SPRED2: variants seen among roughly 807,000 people sequenced by gnomAD.
SPRED2 encodes the protein sprouty-related, EVH1 domain-containing protein 2.
In SPRED2, 47 loss-of-function variants were observed where a neutral mutation model predicts 43.0. The observed-to-expected ratio is 1.09, with a 90% CI of 0.87 to 1.40. The LOEUF is 1.40. SPRED2 is among the 40% of genes most tolerant of loss of function. The pLI is 0.00. For missense variants in SPRED2, 561 were observed against 586.4 expected (o/e 0.96, Z 0.45); for synonymous variants, 225 against 225.7 (o/e 1.00, Z 0.03).
intron 1 of SPRED2, among the ~76,000 whole-genome samples, chr2:65,364,862 A>C (rs2104325709): frequency 6.6e-6 from 1 of 152,282 alleles, no homozygotes; most frequent in African/African-American, 2.4e-5. Context: ...ATTAATGTAT[A>C]TTTTTCTAAT....
At chr2:65,367,510 A>T (rs1173796726) in intron 1 of SPRED2, among the ~76,000 whole-genome samples, 2 of 152,210 alleles carry the variant, frequency 1.3e-5, no homozygotes, top group Non-Finnish European at 1.5e-5. Flanking sequence ...AATCTAATTT[A>T]TACCTAAACA....
intron 1 of SPRED2, among the ~76,000 whole-genome samples, chr2:65,383,669 G>A (rs1675428147): frequency 6.6e-6 from 1 of 152,074 alleles, no homozygotes; most frequent in African/African-American, 2.4e-5. Flanking sequence ...ATCTCCCTAA[G>A]GAGAAGTCTG....
chr2:65,415,838 C>T (rs1676261064), intron 1 of SPRED2, among the ~76,000 whole-genome samples: 1 of 151,982 alleles, frequency 6.6e-6, no homozygotes, highest in Admixed American at 6.6e-5. Flanking sequence ...GTATATGCCT[C>T]CCTGGGAGGT....
At chr2:65,408,134 C>A (rs1458868633) in intron 1 of SPRED2, among the ~76,000 whole-genome samples, 1 of 152,182 alleles carries the variant, frequency 6.6e-6, no homozygotes, top group Non-Finnish European at 1.5e-5. Context: ...GGAGCAAGAT[C>A]CTTCCCTTCT....
intron 1 of SPRED2, among the ~76,000 whole-genome samples, chr2:65,424,088 C>A (rs757016214): frequency 3.9e-5 from 6 of 152,034 alleles, no homozygotes; most frequent in Non-Finnish European, 7.4e-5. Flanking sequence ...CATGCCTGGT[C>A]CATTTCTACT....
At position 65,312,817 on chromosome 2, in the gene SPRED2, T is replaced by C; in HGVS notation, c.*684A>G. 1 of 985,792 alleles carries C rather than the reference T, an allele frequency of 1.0e-6. No individual in the cohort carries two copies. Among genetic ancestry groups the C allele is most frequent in the Non-Finnish European group, 1.2e-6 (1 of 829,924 alleles). 61.1% of individuals were successfully genotyped at this position (985,792 alleles called of 1,614,324 possible). A position where few individuals can be genotyped will look rare whatever the true frequency, so the allele number is the denominator to read the frequency against. On this transcript the variant is annotated 3_prime_UTR_variant, in exon 6 of 6. Transcript: ENST00000356388. The stretch of plus-strand genomic sequence containing the variant: ...ATTACGGGTGAATGTTTTGCATCAG[T>C]GAATCATTTCAACAGATTTTGGGGG...
At chr2:65,321,440 G>C (rs999678141) in intron 4 of SPRED2, among the ~76,000 whole-genome samples, 2 of 148,776 alleles carry the variant, frequency 1.3e-5, no homozygotes, top group African/African-American at 5.0e-5. Flanking sequence ...GGGAGGCTGA[G>C]GTAGGAGGAT....
chr2:65,340,890 T>G (rs1005924325), intron 2 of SPRED2, among the ~76,000 whole-genome samples: 1 of 152,220 alleles, frequency 6.6e-6, no homozygotes, highest in Non-Finnish European at 1.5e-5. Flanking sequence ...ATCTTTTCTT[T>G]GCCATTCCAC....
At chr2:65,375,364 C>T (rs751083363) in intron 1 of SPRED2, among the ~76,000 whole-genome samples, 4 of 152,174 alleles carry the variant, frequency 2.6e-5, no homozygotes, top group Non-Finnish European at 5.9e-5. Flanking sequence ...GTGTATAGCC[C>T]TATTCAAAAG....
intron 1 of SPRED2, among the ~76,000 whole-genome samples, chr2:65,349,308 C>CAAAAAAAAAAAAAAAAA (rs59019958): frequency 1.2e-5 from 1 of 83,704 alleles, no homozygotes; most frequent in Non-Finnish European, 2.3e-5. Context: ...GACTCTGTCT[C>CAAAAAAAAAAAAAAAAA]AAAAAAAAAA....
chr2:65,315,432 T>C (rs1673205600), intron 5 of SPRED2, among the ~76,000 whole-genome samples: 3 of 152,188 alleles, frequency 2.0e-5, no homozygotes, highest in African/African-American at 4.8e-5. Flanking sequence ...ATGCGCTTAT[T>C]AGATTTACCC....
chr2:65,377,577 AGGTG>A (rs1675271889), intron 1 of SPRED2: 1 of 471,218 alleles, frequency 2.1e-6, no homozygotes, highest in African/African-American at 2.0e-5. Flanking sequence ...ATGACTGATG[AGGTG>A]GTAGGTGTTA....
At chr2:65,331,415 C>T (rs1322575801) in intron 4 of SPRED2, among the ~76,000 whole-genome samples, 1 of 152,194 alleles carries the variant, frequency 6.6e-6, no homozygotes, top group African/African-American at 2.4e-5. Context: ...TTTCCAGTTA[C>T]ATCCCATTAA....
At chr2:65,323,959 C>T in intron 4 of SPRED2, among the ~76,000 whole-genome samples, 1 of 151,744 alleles carries the variant, frequency 6.6e-6, no homozygotes, top group South Asian at 2.1e-4. Flanking sequence ...AGAAAGTGAC[C>T]ATGTTGTTGG....
At chr2:65,323,813 T>C (rs951023066) in intron 4 of SPRED2, among the ~76,000 whole-genome samples, 1 of 151,472 alleles carries the variant, frequency 6.6e-6, no homozygotes. Flanking sequence ...GAGGAAGAGG[T>C]TGCAGTGAGC....
intron 1 of SPRED2, among the ~76,000 whole-genome samples, chr2:65,356,665 C>T (rs1674661855): frequency 6.7e-6 from 1 of 149,384 alleles, no homozygotes; most frequent in South Asian, 2.1e-4. Context: ...AATTCTAAAC[C>T]TACAAAATCC....
At chr2:65,431,079 GC>G (rs1676674195) in intron 1 of SPRED2, among the ~76,000 whole-genome samples, 3 of 151,846 alleles carry the variant, frequency 2.0e-5, no homozygotes, top group Admixed American at 2.0e-4. Flanking sequence ...CTGCACCTCC[GC>G]CCCGGGCTGG....
At chr2:65,421,073 T>TA (rs1558692620) in intron 1 of SPRED2, among the ~76,000 whole-genome samples, 2 of 152,190 alleles carry the variant, frequency 1.3e-5, no homozygotes, top group Admixed American at 1.3e-4. Flanking sequence ...ACATTACACA[T>TA]ACAGTTTGGG....
At chr2:65,403,462 A>G (rs966119934) in intron 1 of SPRED2, among the ~76,000 whole-genome samples, 1 of 152,112 alleles carries the variant, frequency 6.6e-6, no homozygotes, top group African/African-American at 2.4e-5. Context: ...CTTTGTGTAT[A>G]AGTGGAGTTT....
Sources: allele counts gnomAD v4.1 joint callset (sites outside exome capture counted in the v4.1 genomes callset), GRCh38; gene constraint gnomAD v4.1.1; transcripts MANE v1.5; gene names NCBI Gene and HGNC (gene_info 2026-07-23, HGNC 2026-07-21).